ATP10B: variants seen among roughly 807,000 people sequenced by gnomAD.
ATP10B encodes phospholipid-transporting ATPase VB.
A neutral mutation model predicts 141.2 loss-of-function variants in ATP10B; 122 were observed. That is an observed-to-expected ratio of 0.86 (90% CI 0.75 to 1.00). The LOEUF is 1.00. Among genes scored for constraint, ATP10B ranks in the 50% least tolerant of loss-of-function variants. The pLI is 0.00. For synonymous variants in ATP10B, 685 were observed against 692.0 expected, an observed-to-expected ratio of 0.99 and a Z score of 0.16; for missense variants, 1,876 against 1,825.3, an observed-to-expected ratio of 1.03 and a Z score of -0.51.
At chr5:160,582,373 C>T (rs1183096928) in intron 24 of ATP10B, among the ~76,000 whole-genome samples, 4 of 152,056 alleles carry the variant, frequency 2.6e-5, no homozygotes, top group East Asian at 1.9e-4. Context: ...ATTTGCTTGT[C>T]GTAAAGGATT....
At chr5:160,901,706 A>G in the ATP10B span, among the ~76,000 whole-genome samples, 2 of 152,344 alleles carry the variant, frequency 1.3e-5, no homozygotes, top group Admixed American at 1.3e-4. Context: ...AGATGGTTGA[A>G]TAGGGAGTAC....
At chr5:160,900,034 T>TTG in the ATP10B span, among the ~76,000 whole-genome samples, 2 of 152,072 alleles carry the variant, frequency 1.3e-5, no homozygotes, top group African/African-American at 4.8e-5. Context: ...GTTGTGGTTG[T>TTG]TGTGTTATTT....
At chr5:160,859,896 G>T in the ATP10B span, among the ~76,000 whole-genome samples, 1 of 151,834 alleles carries the variant, frequency 6.6e-6, no homozygotes, top group African/African-American at 2.4e-5. Flanking sequence ...ATATTTGCAC[G>T]AACACAGTGA....
rs1773634535 is a variant in ATP10B at position 160,816,470 on chromosome 5, A to C, written c.-575-30667T>G. 2.0e-5 allele frequency among the ~76,000 whole-genome samples: 3 copies of C among 152,160 alleles called. No homozygotes were observed. In the South Asian group the frequency reaches 6.2e-4, roughly 32 times the overall value. On this transcript the variant is annotated intron_variant, in intron 1 of 25. Coordinates refer to ENST00000327245, the MANE Select transcript of ATP10B (RefSeq NM_025153.3). Reference sequence around the variant, plus strand: ...AAACCAGGAAGAAGTTGAATCTCTGAATAGACCAATAACAGGATCTGAAAT... The same window carrying C: ...AAACCAGGAAGAAGTTGAATCTCTGCATAGACCAATAACAGGATCTGAAAT...
intron 1 of ATP10B, among the ~76,000 whole-genome samples, chr5:160,822,991 T>TAC (rs1425209567): frequency 1.4e-3 from 113 of 78,140 alleles, no homozygotes; most frequent in Admixed American, 2.3e-3. Flanking sequence ...TACATATACA[T>TAC]ATATATATAC....
chr5:160,928,812 C>T, the ATP10B span, among the ~76,000 whole-genome samples: 1 of 152,156 alleles, frequency 6.6e-6, no homozygotes, highest in African/African-American at 2.4e-5. Flanking sequence ...CAACTAGTGC[C>T]CAATGACTAT....
intron 6 of ATP10B, among the ~76,000 whole-genome samples, chr5:160,671,692 C>T (rs2127726941): frequency 6.6e-6 from 1 of 152,292 alleles, no homozygotes; most frequent in South Asian, 2.1e-4. Flanking sequence ...ACAAATTTAG[C>T]ATTTCTTACC....
chr5:160,833,416 A>T (rs1775224237), intron 1 of ATP10B, among the ~76,000 whole-genome samples: 1 of 152,174 alleles, frequency 6.6e-6, no homozygotes, highest in Non-Finnish European at 1.5e-5. Context: ...TCAGTTATAG[A>T]TTAGATGATT....
At chr5:160,602,965 C>T (rs778232201) in intron 20 of ATP10B, 2 of 346,632 alleles carry the variant, frequency 5.8e-6, no homozygotes, top group African/African-American at 4.2e-5. Context: ...ATCCAGCAAG[C>T]ATTGACTGTG....
intron 8 of ATP10B, among the ~76,000 whole-genome samples, chr5:160,644,954 A>G (rs1760167714): frequency 6.6e-6 from 1 of 151,946 alleles, no homozygotes; most frequent in Non-Finnish European, 1.5e-5. Context: ...CGTCTCTACT[A>G]AAAATACAAA....
chr5:160,844,447 T>C (rs1053720708), intron 1 of ATP10B, among the ~76,000 whole-genome samples: 8 of 152,164 alleles, frequency 5.3e-5, no homozygotes, highest in Admixed American at 2.0e-4. Flanking sequence ...CTTAGCTCCC[T>C]TAGTGTCGTA....
At chr5:160,632,452 G>C in intron 12 of ATP10B, 85 bp from the exon 13 acceptor site, 1 of 1,293,876 alleles carries the variant, frequency 7.7e-7, no homozygotes, top group Non-Finnish European at 1.1e-6. Context: ...GTGGGGGGTG[G>C]TAAGAGCATG....
At chr5:160,874,058 C>A in the ATP10B span, among the ~76,000 whole-genome samples, 4 of 152,144 alleles carry the variant, frequency 2.6e-5, no homozygotes, top group African/African-American at 9.6e-5. Context: ...CTGCCTGCCT[C>A]TGTAGGCTCC....
rs537489964 is a variant in ATP10B at position 160,817,880 on chromosome 5, C to CA, written c.-575-32078dup. ...GCCATCTGATCTTTGACAAACCTGA[C>CA]AAAAACAAGAAATGCAGAAACGATT... is the stretch of plus-strand genomic sequence containing the variant. On this transcript the variant is annotated intron_variant, in intron 1 of 25. Transcript: ENST00000327245. 2.1e-3 allele frequency among the ~76,000 whole-genome samples: 314 copies of CA among 152,250 alleles called. 2 individuals carry two copies. The highest frequency in any genetic ancestry group is 7.4e-3 in the African/African-American group (306 of 41,554).
chr5:160,770,168 A>C (rs1769779250), intron 2 of ATP10B, among the ~76,000 whole-genome samples: 1 of 149,468 alleles, frequency 6.7e-6, no homozygotes, highest in South Asian at 2.1e-4. Flanking sequence ...TTCTGCCTCC[A>C]TCTCTCTCTG....
At chr5:160,658,997 A>G (rs2127709844) in intron 7 of ATP10B, among the ~76,000 whole-genome samples, 1 of 152,344 alleles carries the variant, frequency 6.6e-6, no homozygotes, top group Non-Finnish European at 1.5e-5. Flanking sequence ...GAGATATCAA[A>G]TATTTCCCAC....
chr5:160,639,908 C>T (rs898221320), intron 10 of ATP10B, among the ~76,000 whole-genome samples: 1 of 152,190 alleles, frequency 6.6e-6, no homozygotes, highest in Non-Finnish European at 1.5e-5. Flanking sequence ...TGGGAGACAG[C>T]AACAGATCAT....
chr5:160,830,357 G>C (rs1302123652), intron 1 of ATP10B, among the ~76,000 whole-genome samples: 1 of 151,988 alleles, frequency 6.6e-6, no homozygotes, highest in African/African-American at 2.4e-5. Context: ...CTGTGTGTTT[G>C]TATAGGCATT....
chr5:160,859,015 A>G, the ATP10B span, among the ~76,000 whole-genome samples: 1 of 151,810 alleles, frequency 6.6e-6, no homozygotes, highest in African/African-American at 2.4e-5. Context: ...AACATGTTAT[A>G]TTTTCCTTTC....
Sources: allele counts gnomAD v4.1 joint callset (sites outside exome capture counted in the v4.1 genomes callset), GRCh38; gene constraint gnomAD v4.1.1; transcripts MANE v1.5; gene names NCBI Gene and HGNC (gene_info 2026-07-23, HGNC 2026-07-21).